PPP2R5B: variants seen among roughly 807,000 people sequenced by gnomAD.
PPP2R5B encodes protein phosphatase 2 regulatory subunit B'beta.
A neutral mutation model predicts 59.9 loss-of-function variants in PPP2R5B; 19 were observed. The ratio of observed to expected loss-of-function variants is 0.32; its 90% CI spans 0.22 to 0.47. PPP2R5B has a LOEUF of 0.47. Among genes scored for constraint, PPP2R5B ranks in the 20% least tolerant of loss-of-function variants. The pLI, the probability that PPP2R5B is intolerant of heterozygous loss-of-function variation, is 1.00. For missense variants in PPP2R5B, 441 were observed against 640.2 expected, an observed-to-expected ratio of 0.69 and a Z score of 3.36; for synonymous variants, 286 against 260.5, an observed-to-expected ratio of 1.10 and a Z score of -0.94.
rs370436265 is a variant in PPP2R5B at position 64,931,546 on chromosome 11, T to C, written c.946-13T>C. 117 of 1,613,984 alleles carry C rather than the reference T, an allele frequency of 7.2e-5. 1 individual carries two copies. Among genetic ancestry groups the C allele is most frequent in the Non-Finnish European group, 9.6e-5 (113 of 1,180,018 alleles). On this transcript the variant is annotated splice_polypyrimidine_tract_variant and intron_variant, in intron 9 of 13. Coordinates refer to ENST00000164133, the MANE Select transcript of PPP2R5B (RefSeq NM_006244.4). This position sits in a 1 kb window ranked among gnomAD's most constrained non-coding sequence, Gnocchi z 5.0. ...CACCTCTGCAGGCGTGACTCCTGTC[T>C]CATCTCCCACAGGTGATCCGGGGGC...
At chr11:64,930,221 G>A in intron 6 of PPP2R5B, 101 bp from the exon 7 acceptor site, 3 of 1,327,460 alleles carry the variant, frequency 2.3e-6, no homozygotes, top group South Asian at 1.2e-5. Flanking sequence ...GGGAGAGTTG[G>A]ATGAGCGTGC....
intron 3 of PPP2R5B, 60 bp from the exon 4 acceptor site, chr11:64,927,742 G>A (rs1945183746): frequency 1.7e-6 from 2 of 1,188,832 alleles, no homozygotes; most frequent in Admixed American, 1.9e-5. Flanking sequence ...TTGAATGAGA[G>A]ACTCCCTGGC....
At chr11:64,930,710 T>C in intron 8 of PPP2R5B, 121 bp downstream of exon 8, 2 of 831,044 alleles carry the variant, frequency 2.4e-6, no homozygotes, top group Non-Finnish European at 3.8e-6. Flanking sequence ...ATAATTCTGT[T>C]CCATCTACCT....
chr11:64,920,667 T>C (rs917366342), upstream of PPP2R5B, among the ~76,000 whole-genome samples: 4 of 150,590 alleles, frequency 2.7e-5, no homozygotes, highest in African/African-American at 9.8e-5. Context: ...TCTCGCTCTG[T>C]CTCCCAGCCT....
At chr11:64,929,663 T>C (rs1590678784) in intron 6 of PPP2R5B, among the ~76,000 whole-genome samples, 1 of 151,980 alleles carries the variant, frequency 6.6e-6, no homozygotes, top group Admixed American at 6.6e-5. Context: ...GAGGTGGAGG[T>C]TGCAGTGAGC....
intron 6 of PPP2R5B, among the ~76,000 whole-genome samples, chr11:64,930,033 T>C (rs951337620): frequency 6.6e-6 from 1 of 152,202 alleles, no homozygotes; most frequent in African/African-American, 2.4e-5. Flanking sequence ...ACTTACATGG[T>C]ACGGAGTAGA....
chr11:64,933,366 T>C, intron 13 of PPP2R5B, 120 bp downstream of exon 13: 2 of 855,100 alleles, frequency 2.3e-6, no homozygotes, highest in Non-Finnish European at 3.7e-6. Context: ...TGCAAGACTG[T>C]CCATGCTCCT....
intron 6 of PPP2R5B, among the ~76,000 whole-genome samples, chr11:64,928,949 C>T (rs908680228): frequency 6.7e-6 from 1 of 150,236 alleles, no homozygotes; most frequent in Non-Finnish European, 1.5e-5. Flanking sequence ...GCCTGGGCAA[C>T]GGGGAGACTG....
chr11:64,928,483 G>C lies in PPP2R5B; in HGVS notation c.722+58G>C, dbSNP rs193155713. On this transcript the variant is annotated intron_variant, in intron 6 of 13. Coordinates refer to ENST00000164133, the MANE Select transcript of PPP2R5B (RefSeq NM_006244.4). ...GGGGAGGGTGAGAGGGCTGTTAGAAGACTGCGGCAAAGGCCATGTGCGGTG... is the reference window on the plus strand; with the variant it reads ...GGGGAGGGTGAGAGGGCTGTTAGAACACTGCGGCAAAGGCCATGTGCGGTG... 1.7e-4 allele frequency: 278 copies of C among 1,610,630 alleles called. 2 individuals are homozygous for C. The East Asian group carries it at 6.0e-3, about 35-fold the overall frequency.
At chr11:64,922,695 A>C (rs1945120762), upstream of PPP2R5B, among the ~76,000 whole-genome samples, 1 of 151,974 alleles carries the variant, frequency 6.6e-6, no homozygotes, top group South Asian at 2.1e-4. Flanking sequence ...TAACACGGTG[A>C]AACCCCGTCT....
chr11:64,926,761 G>A lies in PPP2R5B; in HGVS notation c.249G>A (p.Gln83=), dbSNP rs1166156900. 1.2e-6 allele frequency: 2 copies of A among 1,614,244 alleles called. No homozygotes were observed. The highest frequency in any genetic ancestry group is 1.6e-4 in the Middle Eastern group (1 of 6,062). The change falls in exon 3 of 14, where the codon CAG becomes CAA. Residue 83 remains glutamine, a synonymous_variant. Transcript: ENST00000164133. ...AGCTGCTGAGCCGGAAGCTGGCCCA[G>A]TGTGGGGTGATGTTTGACTTCTTGG... ...LHELLSRKLA[Q]CGVMFDFLDC...
chr11:64,934,025 C>A lies in PPP2R5B; in HGVS notation c.*181C>A. 1 of 709,032 alleles carries A rather than the reference C, an allele frequency of 1.4e-6. No homozygotes were observed. Among genetic ancestry groups the A allele is most frequent in the Non-Finnish European group, 2.1e-6 (1 of 474,956 alleles). 43.9% of individuals were successfully genotyped at this position (709,032 alleles called of 1,614,324 possible). ...CGAGGAGAGGCAATGGTGGTCTTGG[C>A]AACAGAATGCTCAGCCCCTCGTGGC... On this transcript the variant is annotated 3_prime_UTR_variant, in exon 14 of 14. Coordinates refer to ENST00000164133, the MANE Select transcript of PPP2R5B (RefSeq NM_006244.4).
rs1368264276 is a variant in PPP2R5B at position 64,927,865 on chromosome 11, G to A, written c.460G>A (p.Asp154Asn). The A allele has an allele frequency of 1.2e-6, 2 of 1,612,710 alleles. No individual in the cohort carries two copies. The highest frequency in any genetic ancestry group is 1.7e-6 in the Non-Finnish European group (2 of 1,178,738). Reference protein sequence around the residue: ...SENPEFDPEEDEPNLEPSWPH... With the variant: ...SENPEFDPEENEPNLEPSWPH... ...GAACCCTGAATTTGACCCTGAAGAG[G>A]ATGAGCCCAATCTTGAGCCTTCGTG... is the stretch of plus-strand genomic sequence containing the variant. The change falls in exon 4 of 14, where the codon GAT becomes AAT. Residue 154 changes from aspartate to asparagine, a missense_variant. Physicochemically the swap from Asp to Asn is conservative, Grantham distance 23. Transcript: ENST00000164133.
rs928717174 is a variant in PPP2R5B at position 64,931,964 on chromosome 11, C to T, written c.1116+96C>T. Reference sequence around the variant, plus strand: ...CTCCCTTTGCCCTCAGTTTCTCCTCCAATCCCGGGTCTGGTAATGGGGAGA... The same window carrying T: ...CTCCCTTTGCCCTCAGTTTCTCCTCTAATCCCGGGTCTGGTAATGGGGAGA... On this transcript the variant is annotated intron_variant, in intron 11 of 13. Transcript: ENST00000164133. This position sits in a 1 kb window ranked among gnomAD's most constrained non-coding sequence, Gnocchi z 5.0. 9.8e-6 allele frequency: 15 copies of T among 1,525,728 alleles called. No individual in the cohort carries two copies. The African/African-American group carries it at 2.1e-4, about 21-fold the overall frequency. 94.5% of individuals were successfully genotyped at this position (1,525,728 alleles called of 1,614,324 possible).
intron 1 of PPP2R5B, among the ~76,000 whole-genome samples, chr11:64,918,928 T>C (rs1945080271): frequency 6.6e-6 from 1 of 152,178 alleles, no homozygotes; most frequent in African/African-American, 2.4e-5. Context: ...TTTCTTCTCC[T>C]CTTGTGACCC....
chr11:64,927,372 A>G (rs2136681767), intron 3 of PPP2R5B, among the ~76,000 whole-genome samples: 1 of 152,316 alleles, frequency 6.6e-6, no homozygotes, highest in Middle Eastern at 3.4e-3. Flanking sequence ...ATGATTGCCC[A>G]AGGAATGAAC....
intron 3 of PPP2R5B, 133 bp downstream of exon 3, chr11:64,927,041 CCCG>C: frequency 9.4e-7 from 1 of 1,067,308 alleles, no homozygotes; most frequent in Non-Finnish European, 1.3e-6. Flanking sequence ...CTTCCTTCCC[CCCG>C]ACCTGCTGCT....
intron 3 of PPP2R5B, 126 bp downstream of exon 3, chr11:64,927,034 C>T: frequency 1.8e-6 from 2 of 1,118,106 alleles, no homozygotes; most frequent in South Asian, 1.5e-5. Flanking sequence ...TCCACGTCTT[C>T]CTTCCCCCCG....
intron 2 of PPP2R5B, 87 bp downstream of exon 2, chr11:64,926,020 GC>G (rs1160522295): frequency 2.2e-6 from 3 of 1,367,726 alleles, no homozygotes; most frequent in Non-Finnish European, 3.0e-6. Context: ...GCGGGCAGCT[GC>G]CAAGAGAGAG....
Sources: gnomAD v4.1 joint callset for allele counts (sites outside exome capture counted in the v4.1 genomes callset) on GRCh38, gnomAD v4.1.1 for gene constraint, Gnocchi (gnomAD v3.1) non-coding constraint, MANE v1.5 for transcripts, NCBI Gene and HGNC (gene_info 2026-07-23, HGNC 2026-07-21) for gene names.